TMEM167B: variants seen among roughly 807,000 people sequenced by gnomAD.
TMEM167B encodes transmembrane protein 167B, also known as protein kish-B.
In TMEM167B, 2 loss-of-function variants were observed where a neutral mutation model predicts 9.4. The observed-to-expected ratio is 0.21, with a 90% CI of 0.09 to 0.67. The LOEUF (loss-of-function observed/expected upper bound fraction) is 0.67, where lower values mean the gene tolerates loss of function less well. TMEM167B is among the 30% of genes least tolerant of loss of function. The pLI, the probability that TMEM167B is intolerant of heterozygous loss-of-function variation, is 0.82. For synonymous variants in TMEM167B, 28 were observed against 32.0 expected, an observed-to-expected ratio of 0.87 and a Z score of 0.42; for missense variants, 68 against 87.6, an observed-to-expected ratio of 0.78 and a Z score of 0.89.
intron 1 of TMEM167B, among the ~76,000 whole-genome samples, chr1:109,091,351 C>T (rs180029): frequency 0.19 from 29,635 of 152,042 alleles, 3,171 homozygotes; most frequent in African/African-American, 0.26. Context: ...CTTCTTCTTA[C>T]GGAAAAATAC....
chr1:109,094,572 C>T lies in TMEM167B; in HGVS notation c.*73C>T, dbSNP rs1400517421. On this transcript the variant is annotated 3_prime_UTR_variant, in exon 3 of 3. Transcript: ENST00000338272. ...GAAGAACCTGTTGGAGACCTGAACC[C>T]AGTGTAGGAGAGTTCAGCTGAAATC... 7.6e-6 allele frequency: 11 copies of T among 1,453,330 alleles called. No homozygotes were observed. The highest frequency in any genetic ancestry group is 1.1e-5 in the Non-Finnish European group (11 of 1,036,486). 90.0% of individuals were successfully genotyped at this position (1,453,330 alleles called of 1,614,324 possible).
rs182439957 is a variant in TMEM167B at position 109,094,605 on chromosome 1, C to T, written c.*106C>T. Reference sequence around the variant, plus strand: ...GAGAGTTCAGCTGAAATCATCGGTCCCCAGGATGACACCACAGCATCTGCC... The same window carrying T: ...GAGAGTTCAGCTGAAATCATCGGTCTCCAGGATGACACCACAGCATCTGCC... On this transcript the variant is annotated 3_prime_UTR_variant, in exon 3 of 3. Coordinates refer to ENST00000338272, the MANE Select transcript of TMEM167B (RefSeq NM_020141.4). 5 of 1,032,376 alleles carry T rather than the reference C, an allele frequency of 4.8e-6. No individual in the cohort carries two copies. In the East Asian group the frequency reaches 9.6e-5, roughly 20 times the overall value. 64.0% of individuals were successfully genotyped at this position (1,032,376 alleles called of 1,614,324 possible).
At position 109,096,825 on chromosome 1, in the gene TMEM167B, C is replaced by T. The variant is rs14707; in HGVS notation, c.*2326C>T. The T allele has an allele frequency of 6.6e-6, 1 of 152,214 alleles. No homozygotes were observed. The highest frequency in any genetic ancestry group is 1.5e-5 in the Non-Finnish European group (1 of 68,042). The allele number at this position is 152,214 out of a possible 1,614,324, so 9.4% of individuals were successfully genotyped here. ...AGATTCAAACTGGCATCACCATAAA[C>T]CCTGTAGGCCAGGGTGGAATGAAGT... On this transcript the variant is annotated 3_prime_UTR_variant, in exon 3 of 3. Coordinates refer to ENST00000338272, the MANE Select transcript of TMEM167B (RefSeq NM_020141.4).
intron 1 of TMEM167B, among the ~76,000 whole-genome samples, chr1:109,092,328 T>G (rs1664468207): frequency 6.6e-6 from 1 of 152,220 alleles, no homozygotes. Context: ...ATTTTTTGCC[T>G]TAACATATTC....
At chr1:109,091,500 C>G (rs1664449576) in intron 1 of TMEM167B, among the ~76,000 whole-genome samples, 1 of 152,156 alleles carries the variant, frequency 6.6e-6, no homozygotes, top group African/African-American at 2.4e-5. Context: ...CAGGCCTCTT[C>G]AAACACTTTA....
intron 1 of TMEM167B, 148 bp downstream of exon 1, chr1:109,091,030 T>G (rs1218980051): frequency 1.7e-5 from 15 of 891,108 alleles, no homozygotes; most frequent in Non-Finnish European, 3.3e-6. Context: ...TCTGTACCCC[T>G]ATACTCCTCT....
rs375855599 is a variant in TMEM167B, at chr1:109,094,541, G to A, written c.*42G>A. 139 of 1,599,160 alleles carry A rather than the reference G, an allele frequency of 8.7e-5. No homozygotes were observed. The highest frequency in any genetic ancestry group is 3.8e-4 in the East Asian group (17 of 44,826). The stretch of plus-strand genomic sequence containing the variant: ...GTCATCAACTGCCAACCAAGGGGAC[G>A]GGGATGAAGAACCTGTTGGAGACCT... On this transcript the variant is annotated 3_prime_UTR_variant, in exon 3 of 3. Coordinates refer to ENST00000338272, the MANE Select transcript of TMEM167B (RefSeq NM_020141.4).
intron 2 of TMEM167B, 41 bp from the exon 3 acceptor site, chr1:109,094,376 T>G (rs763812924): frequency 1.2e-6 from 2 of 1,603,070 alleles, no homozygotes; most frequent in Non-Finnish European, 1.7e-6. Context: ...AGGACTTCGG[T>G]GAAGGGCAGG....
Position 109,095,496 on chromosome 1 carries a change from CATCTT to C in TMEM167B, c.*1000_*1004del, listed in dbSNP as rs1234276967. On this transcript the variant is annotated 3_prime_UTR_variant, in exon 3 of 3. Coordinates refer to ENST00000338272, the MANE Select transcript of TMEM167B (RefSeq NM_020141.4). ...TTGTGATGTTAGATTGAAGTTTTGT[CATCTT>C]ATAAAAGACAACAAACTTATTTTCT... The C allele has an allele frequency of 1.3e-5, 2 of 151,980 alleles. No individual in the cohort carries two copies. Among genetic ancestry groups the C allele is most frequent in the African/African-American group, 4.8e-5 (2 of 41,362 alleles). The allele number at this position is 151,980 out of a possible 1,614,324, so 9.4% of individuals were successfully genotyped here.
chr1:109,093,010 T>C lies in TMEM167B; in HGVS notation c.131T>C (p.Val44Ala), dbSNP rs1216168698. 15 of 1,614,016 alleles carry C rather than the reference T, an allele frequency of 9.3e-6. No individual in the cohort carries two copies. In the Admixed American group the frequency reaches 2.3e-4, roughly 25 times the overall value. ...LLSEKKGVWG[V>A]FYKAAVIGTR... Reference sequence around the variant, plus strand: ...TCAGAGAAGAAGGGTGTTTGGGGTGTGTTTTACAAAGGTGAGGCCATGTCT... The same window carrying C: ...TCAGAGAAGAAGGGTGTTTGGGGTGCGTTTTACAAAGGTGAGGCCATGTCT... The change falls in exon 2 of 3, where the codon GTG becomes GCG. Residue 44 changes from valine to alanine, a missense_variant. Transcript: ENST00000338272.
In TMEM167B at chr1:109,095,836, C is replaced by T. The variant is rs1557995233; in HGVS notation, c.*1337C>T. On this transcript the variant is annotated 3_prime_UTR_variant, in exon 3 of 3. Coordinates refer to ENST00000338272, the MANE Select transcript of TMEM167B (RefSeq NM_020141.4). ...CCATTTTAGATGGCTCAGCATTTGG[C>T]AGGAAGACTTCTCCATTCCCTGCTT... is the stretch of plus-strand genomic sequence containing the variant. The T allele has an allele frequency of 6.6e-6, 1 of 152,234 alleles. No homozygotes were observed. The highest frequency in any genetic ancestry group is 1.9e-4 in the East Asian group (1 of 5,188). The allele number at this position is 152,234 out of a possible 1,614,324, so 9.4% of individuals were successfully genotyped here.
intron 1 of TMEM167B, 73 bp from the exon 2 acceptor site, chr1:109,092,817 G>A: frequency 6.5e-7 from 1 of 1,550,154 alleles, no homozygotes. Flanking sequence ...ATCTTCCTTA[G>A]AGTTCTCAGG....
rs1273305523 is a variant in TMEM167B, at chr1:109,092,893, A to C, written c.14A>C (p.Tyr5Ser). The C allele has an allele frequency of 5.6e-6, 9 of 1,613,858 alleles. No individual in the cohort carries two copies. The highest frequency in any genetic ancestry group is 7.6e-6 in the Non-Finnish European group (9 of 1,179,994). ...TCTTTTCTTCTTTATTTAACAGTGTACTCCTTGGATGGGATTCTGGTGTTT... is the reference window on the plus strand; with the variant it reads ...TCTTTTCTTCTTTATTTAACAGTGTCCTCCTTGGATGGGATTCTGGTGTTT... MTNVYSLDGILVFGL... is the reference protein window; with the variant it reads MTNVSSLDGILVFGL... Residue 5 changes from tyrosine to serine, a missense_variant, in exon 2 of 3, where the codon TAC (tyrosine) becomes TCC (serine). Tyr to Ser is a moderately radical substitution (Grantham distance 144). Coordinates refer to ENST00000338272, the MANE Select transcript of TMEM167B (RefSeq NM_020141.4).
chr1:109,092,850 G>A (rs770859864), intron 1 of TMEM167B, 40 bp from the exon 2 acceptor site: 1 of 1,610,284 alleles, frequency 6.2e-7, no homozygotes, highest in South Asian at 1.1e-5. Flanking sequence ...TCCGACGCTA[G>A]ATCAGTACCT....
intron 2 of TMEM167B, among the ~76,000 whole-genome samples, chr1:109,094,007 C>T (rs1306398332): frequency 1.3e-5 from 2 of 151,964 alleles, no homozygotes; most frequent in Non-Finnish European, 2.9e-5. Context: ...GAGCCGGGCA[C>T]GGTGGCTCAC....
chr1:109,092,612 C>A (rs577749), intron 1 of TMEM167B, among the ~76,000 whole-genome samples: 1 of 151,998 alleles, frequency 6.6e-6, no homozygotes, highest in Non-Finnish European at 1.5e-5. Flanking sequence ...CACTCTGTTG[C>A]TCAGGCTACA....
rs1397938089 is a variant in TMEM167B at position 109,094,978 on chromosome 1, GT to G, written c.*481del. On this transcript the variant is annotated 3_prime_UTR_variant, in exon 3 of 3. Transcript: ENST00000338272. ...GGGAGGGGATGCTGGGTGGGAAACAGTTATGAAATGCCAAGAAATTCTTTGG... is the reference window on the plus strand; with the variant it reads ...GGGAGGGGATGCTGGGTGGGAAACAGTATGAAATGCCAAGAAATTCTTTGG... The G allele has an allele frequency of 6.5e-6, 1 of 154,734 alleles. No individual in the cohort carries two copies. Among genetic ancestry groups the G allele is most frequent in the African/African-American group, 2.4e-5 (1 of 41,476 alleles). 9.6% of individuals were successfully genotyped at this position (154,734 alleles called of 1,614,324 possible).
At chr1:109,092,262 T>C (rs1406343981) in intron 1 of TMEM167B, among the ~76,000 whole-genome samples, 4 of 152,202 alleles carry the variant, frequency 2.6e-5, no homozygotes, top group Non-Finnish European at 5.9e-5. Flanking sequence ...TGTAAGATAA[T>C]GATAGGAAAA....
At chr1:109,093,961 AC>A (rs1302966301) in intron 2 of TMEM167B, among the ~76,000 whole-genome samples, 1 of 152,058 alleles carries the variant, frequency 6.6e-6, no homozygotes, top group Non-Finnish European at 1.5e-5. Context: ...ACATGGTGAA[AC>A]CCTGTCTCTA....
Sources: allele counts gnomAD v4.1 joint callset (sites outside exome capture counted in the v4.1 genomes callset), GRCh38; gene constraint gnomAD v4.1.1; transcripts MANE v1.5; gene names NCBI Gene and HGNC (gene_info 2026-07-23, HGNC 2026-07-21).